RGS6: variants seen among roughly 807,000 people sequenced by gnomAD.
RGS6 encodes regulator of G protein signaling 6.
Under a neutral mutation model 78.5 loss-of-function variants are expected in RGS6, and 30 were observed. That is an observed-to-expected ratio of 0.38 (90% CI 0.29 to 0.52). The LOEUF (loss-of-function observed/expected upper bound fraction) is 0.52. Ranked by LOEUF, RGS6 falls within the 20% of genes least tolerant of loss-of-function variation. The pLI is 0.85. For missense variants in RGS6, 495 were observed against 609.7 expected, an observed-to-expected ratio of 0.81 and a Z score of 1.98; for synonymous variants, 206 against 206.0, an observed-to-expected ratio of 1.00 and a Z score of 0.00.
At chr14:72,480,561 A>T (rs2153367367) in intron 12 of RGS6, among the ~76,000 whole-genome samples, 1 of 152,294 alleles carries the variant, frequency 6.6e-6, no homozygotes, top group East Asian at 1.9e-4. Context: ...TTTCAATGCG[A>T]CACGAGGGTT....
chr14:71,914,036 A>G, the RGS6 span, among the ~76,000 whole-genome samples: 1 of 152,148 alleles, frequency 6.6e-6, no homozygotes, highest in African/African-American at 2.4e-5. Context: ...CAGTACAGGG[A>G]AGTTTATTAC....
At position 72,508,562 on chromosome 14, in the gene RGS6, C is replaced by CTTT. The variant is rs61097187; in HGVS notation, c.966-1563_966-1561dup. On this transcript the variant is annotated intron_variant, in intron 13 of 17. Transcript: ENST00000553525. The stretch of plus-strand genomic sequence containing the variant: ...CCAAGCTTTCCACGCACACAAGCTC[C>CTTT]TTTTTTTTTTTTTTTTTTTTTTTTT... 7.5e-3 allele frequency among the ~76,000 whole-genome samples: 421 copies of CTTT among 56,462 alleles called. 25 individuals carry two copies. The highest frequency in any genetic ancestry group is 0.03 in the African/African-American group (363 of 12,218). 37.0% of individuals were successfully genotyped at this position (56,462 alleles called of 152,430 possible). A position where few individuals can be genotyped will look rare whatever the true frequency, so the allele number is the denominator to read the frequency against.
At chr14:71,938,761 C>G (rs928727179) in intron 1 of RGS6, among the ~76,000 whole-genome samples, 3 of 152,168 alleles carry the variant, frequency 2.0e-5, no homozygotes, top group African/African-American at 7.2e-5. Flanking sequence ...GCACCCAGTT[C>G]ATGATAGAAA....
intron 2 of RGS6, among the ~76,000 whole-genome samples, chr14:71,989,170 C>A (rs2094848404): frequency 6.6e-6 from 1 of 152,234 alleles, no homozygotes; most frequent in Admixed American, 6.5e-5. Context: ...ACACTGAGAG[C>A]ACTGCTGTAA....
rs535661474 is a variant in RGS6 at position 72,453,852 on chromosome 14, A to G, written c.185-676A>G. On this transcript the variant is annotated intron_variant, in intron 3 of 17. Coordinates refer to ENST00000553525, the MANE Select transcript of RGS6 (RefSeq NM_001204424.2). ...TTCCCCCAGGTCTTTGGAGTCCCCC[A>G]CATCCAGCCAGTAGATGGGATTGAA... is the stretch of plus-strand genomic sequence containing the variant. Among the ~76,000 whole-genome samples the G allele has an allele frequency of 8.5e-4, 130 of 152,108 alleles. No homozygotes were observed. In the Middle Eastern group the frequency reaches 0.014, roughly 16 times the overall value.
intron 16 of RGS6, among the ~76,000 whole-genome samples, chr14:72,539,398 C>T (rs1318617938): frequency 1.3e-5 from 2 of 152,228 alleles, no homozygotes; most frequent in Non-Finnish European, 2.9e-5. Context: ...ATGGCAAAGG[C>T]TATGAGTAGA....
chr14:72,577,918 G>T, the RGS6 span, among the ~76,000 whole-genome samples: 4 of 152,224 alleles, frequency 2.6e-5, no homozygotes, highest in African/African-American at 9.6e-5. Context: ...AAGATCAGAA[G>T]TAAGACTCCT....
chr14:72,228,822 G>A (rs1002934271), intron 2 of RGS6, among the ~76,000 whole-genome samples: 1 of 152,252 alleles, frequency 6.6e-6, no homozygotes, highest in East Asian at 1.9e-4. Flanking sequence ...AAGGCAGCCA[G>A]ATCACCTGAG....
chr14:71,958,593 T>C (rs1389337442), intron 1 of RGS6, among the ~76,000 whole-genome samples: 1 of 149,572 alleles, frequency 6.7e-6, no homozygotes, highest in African/African-American at 2.4e-5. Flanking sequence ...CCAGTTTTTT[T>C]TGACCCCAGA....
intron 2 of RGS6, among the ~76,000 whole-genome samples, chr14:71,974,569 C>G (rs763328120): frequency 2.0e-5 from 3 of 152,168 alleles, no homozygotes; most frequent in Non-Finnish European, 4.4e-5. Context: ...CTGTTCTGGT[C>G]AACCTAATAA....
chr14:72,313,999 A>C (rs551796845), intron 2 of RGS6, among the ~76,000 whole-genome samples: 1 of 152,294 alleles, frequency 6.6e-6, no homozygotes, highest in Non-Finnish European at 1.5e-5. Flanking sequence ...TCTGAACTTC[A>C]TCAACTAAAT....
At chr14:72,351,583 C>G (rs2079112897) in intron 2 of RGS6, among the ~76,000 whole-genome samples, 1 of 152,108 alleles carries the variant, frequency 6.6e-6, no homozygotes, top group Non-Finnish European at 1.5e-5. Flanking sequence ...TGGTTTTTCT[C>G]TCATGTTACT....
chr14:72,036,944 G>A (rs772461875), intron 2 of RGS6, among the ~76,000 whole-genome samples: 2 of 152,066 alleles, frequency 1.3e-5, no homozygotes, highest in Non-Finnish European at 1.5e-5. Flanking sequence ...TTTGGTATAA[G>A]GTATTGAGAG....
At chr14:71,975,836 G>A (rs2094090945) in intron 2 of RGS6, among the ~76,000 whole-genome samples, 1 of 152,120 alleles carries the variant, frequency 6.6e-6, no homozygotes, top group South Asian at 2.1e-4. Context: ...TTGGGATTGT[G>A]TTCATATGTT....
rs1047349279 is a variant in RGS6, at chr14:72,562,620, G to A, written c.*153G>A. The A allele has an allele frequency of 1.4e-5, 21 of 1,534,772 alleles. No individual in the cohort carries two copies. The highest frequency in any genetic ancestry group is 5.5e-5 in the African/African-American group (4 of 72,860). On this transcript the variant is annotated 3_prime_UTR_variant, in exon 18 of 18. Coordinates refer to ENST00000553525, the MANE Select transcript of RGS6 (RefSeq NM_001204424.2). The stretch of plus-strand genomic sequence containing the variant: ...ATGAAGGGCGATGGTGGGGAGACTC[G>A]GTGGGTGAATGGGGAGACCAGAAAG...
intron 2 of RGS6, among the ~76,000 whole-genome samples, chr14:72,254,371 A>G (rs560455356): frequency 7.2e-5 from 11 of 152,292 alleles, no homozygotes; most frequent in South Asian, 6.2e-4. Flanking sequence ...TGTCTGCAGC[A>G]CTGTTGGGGC....
chr14:71,937,249 A>G (rs1393400992), intron 1 of RGS6, among the ~76,000 whole-genome samples: 1 of 152,138 alleles, frequency 6.6e-6, no homozygotes, highest in Non-Finnish European at 1.5e-5. Context: ...AGTTTAATGG[A>G]ATCGTTGTGT....
intron 12 of RGS6, among the ~76,000 whole-genome samples, chr14:72,494,441 A>G (rs2096617672): frequency 1.3e-5 from 2 of 152,148 alleles, no homozygotes; most frequent in Admixed American, 6.5e-5. Flanking sequence ...GAAAAAACAT[A>G]AGGTGGAAAG....
intron 3 of RGS6, among the ~76,000 whole-genome samples, chr14:72,374,016 AT>A (rs1427322152): frequency 1.3e-5 from 2 of 152,170 alleles, no homozygotes; most frequent in Non-Finnish European, 2.9e-5. Flanking sequence ...ATCATTTGAT[AT>A]TTTTAAAAAG....
Sources: gnomAD v4.1 joint callset for allele counts (sites outside exome capture counted in the v4.1 genomes callset) on GRCh38, gnomAD v4.1.1 for gene constraint, MANE v1.5 for transcripts, NCBI Gene and HGNC (gene_info 2026-07-23, HGNC 2026-07-21) for gene names.